SLC6A9: variants seen among roughly 807,000 people sequenced by gnomAD.
SLC6A9 encodes sodium- and chloride-dependent glycine transporter 1.
In SLC6A9, 31 loss-of-function variants were observed where a neutral mutation model predicts 70.9. The ratio of observed to expected loss-of-function variants is 0.44; its 90% CI spans 0.33 to 0.59. The LOEUF is 0.59. SLC6A9 is among the 20% of genes least tolerant of loss of function. SLC6A9 has a pLI of 0.04. For synonymous variants in SLC6A9, 310 were observed against 341.3 expected (o/e 0.91, Z 1.01); for missense variants, 631 against 845.2 (o/e 0.75, Z 3.14).
chr1:44,025,690 C>T (rs2086970406), intron 1 of SLC6A9, among the ~76,000 whole-genome samples: 1 of 151,864 alleles, frequency 6.6e-6, no homozygotes, highest in Non-Finnish European at 1.5e-5. Flanking sequence ...ATCCCAGCTA[C>T]TCGGGAGGCT....
intron 2 of SLC6A9, among the ~76,000 whole-genome samples, chr1:44,022,760 C>T (rs1266400149): frequency 7.4e-6 from 1 of 134,784 alleles, no homozygotes; most frequent in Admixed American, 8.8e-5. Flanking sequence ...GCTCTATTGC[C>T]CAGGCTGGAG....
At chr1:44,001,367 G>A (rs201151954) in intron 9 of SLC6A9, 23 bp downstream of exon 9, 72 of 1,612,614 alleles carry the variant, frequency 4.5e-5, no homozygotes, top group African/African-American at 8.0e-5. Context: ...CCAAGCCTCC[G>A]GTCCACGTCC....
rs1320717706 is a variant in SLC6A9 at position 44,001,461 on chromosome 1, G to A, written c.1129C>T (p.Leu377=). The A allele has an allele frequency of 1.9e-6, 3 of 1,614,106 alleles. No individual in the cohort carries two copies. Among genetic ancestry groups the A allele is most frequent in the South Asian group, 1.1e-5 (1 of 91,088 alleles). ...AFVAYPEALT[L]LPISPLWSLL... is the part of the protein sequence containing the mutation. Reference sequence around the variant, plus strand: ...GACCACAGCGGGGAGATGGGAAGTAGTGTGAGGGCCTCGGGGTAAGCCACG... The same window carrying A: ...GACCACAGCGGGGAGATGGGAAGTAATGTGAGGGCCTCGGGGTAAGCCACG... The change falls in exon 9 of 14, where the codon CTA becomes TTA. Residue 377 remains leucine (L), a synonymous_variant. Coordinates refer to ENST00000372310, the MANE Select transcript of SLC6A9 (RefSeq NM_001024845.3).
chr1:43,999,289 G>A (rs1427443973), intron 12 of SLC6A9, among the ~76,000 whole-genome samples: 1 of 151,394 alleles, frequency 6.6e-6, no homozygotes, highest in Non-Finnish European at 1.5e-5. Context: ...CCAAGGAGAG[G>A]ACTCTAGGCT....
At chr1:44,010,120 C>T in intron 3 of SLC6A9, 24 bp from the exon 4 acceptor site, 1 of 1,612,898 alleles carries the variant, frequency 6.2e-7, no homozygotes, top group Non-Finnish European at 8.5e-7. Flanking sequence ...AGAGGTCTGG[C>T]TCAGGAGTGG....
chr1:44,010,867 T>A lies in SLC6A9; in HGVS notation c.46A>T (p.Ser16Cys), dbSNP rs1169884005. The A allele has an allele frequency of 2.5e-6, 4 of 1,614,090 alleles. No individual in the cohort carries two copies. The highest frequency in any genetic ancestry group is 3.4e-6 in the Non-Finnish European group (4 of 1,180,032). The change falls in exon 3 of 14, where the codon AGC becomes TGC. Residue 16 changes from serine (S) to cysteine (C), a missense_variant. Physicochemically the swap from Ser to Cys is moderately radical, Grantham distance 112. Transcript: ENST00000372310. The part of the protein sequence containing the change: ...AKGMLNGAVP[S>C]EATKRDQNLK... ...TTCTGGTCCCTCTTGGTGGCCTCGCTGGGCACAGCACCATTCTGTGGGGAC... is the reference window on the plus strand; with the variant it reads ...TTCTGGTCCCTCTTGGTGGCCTCGCAGGGCACAGCACCATTCTGTGGGGAC...
intron 2 of SLC6A9, 54 bp downstream of exon 2, chr1:44,024,194 G>T (rs1038084742): frequency 1.9e-6 from 3 of 1,576,566 alleles, no homozygotes; most frequent in Non-Finnish European, 1.7e-6. Context: ...AGGAGGTCCT[G>T]GGGGCAGGGC....
Position 44,022,242 on chromosome 1 carries a change from C to T in SLC6A9, c.30+2006G>A, listed in dbSNP as rs912595425. Among the ~76,000 whole-genome samples the T allele has an allele frequency of 2.0e-5, 3 of 152,342 alleles. No homozygotes were observed. The East Asian group carries it at 5.8e-4, about 29-fold the overall frequency. ...GTGCTGCTCACATCTCTCCTGCCTG[C>T]CCTCCTCCCAGTCCTTCCAGGTCAC... On this transcript the variant is annotated intron_variant, in intron 2 of 13. Transcript: ENST00000372310.
At chr1:44,006,970 A>C (rs1388124488) in intron 5 of SLC6A9, among the ~76,000 whole-genome samples, 1 of 152,112 alleles carries the variant, frequency 6.6e-6, no homozygotes, top group Non-Finnish European at 1.5e-5. Flanking sequence ...TGTGGAGAAA[A>C]GCCTCAAACC....
chr1:44,016,194 G>A (rs2086735935), intron 2 of SLC6A9, among the ~76,000 whole-genome samples: 1 of 152,204 alleles, frequency 6.6e-6, no homozygotes, highest in African/African-American at 2.4e-5. Flanking sequence ...AAGCCCAGGA[G>A]GGAAGACTGG....
At chr1:44,010,640 G>T (rs2086529275) in intron 3 of SLC6A9, 86 bp downstream of exon 3, 1 of 1,339,838 alleles carries the variant, frequency 7.5e-7, no homozygotes, top group Non-Finnish European at 1.1e-6. Flanking sequence ...ATCTGGAGTG[G>T]GTCTGTGCCA....
chr1:44,005,888 T>C (rs1571864849), intron 5 of SLC6A9, among the ~76,000 whole-genome samples: 1 of 152,208 alleles, frequency 6.6e-6, no homozygotes. Context: ...AGTGGCCAGT[T>C]AGGCAGGCCT....
In SLC6A9 at chr1:44,024,321, A is replaced by C. The variant is rs779958251; in HGVS notation, c.-44T>G. On this transcript the variant is annotated 5_prime_UTR_variant, in exon 2 of 14. Coordinates refer to ENST00000372310, the MANE Select transcript of SLC6A9 (RefSeq NM_001024845.3). ...CTCTGGTGACGGGGACCACACTCAC[A>C]GGCTCTGCTTCCAGCGCCTTTCAGG... 39 of 1,612,482 alleles carry C rather than the reference A, an allele frequency of 2.4e-5. No homozygotes were observed. The East Asian group carries it at 7.8e-4, about 32-fold the overall frequency.
chr1:44,012,733 G>A (rs1320836945), intron 2 of SLC6A9, among the ~76,000 whole-genome samples: 8 of 152,214 alleles, frequency 5.3e-5, no homozygotes, highest in Admixed American at 3.3e-4. Context: ...GAGTATGGAA[G>A]GAGGACAAGG....
intron 2 of SLC6A9, among the ~76,000 whole-genome samples, chr1:44,022,722 C>CTTTTTTTT (rs71307650): frequency 0.35 from 40,799 of 117,918 alleles, 8,603 homozygotes; most frequent in Non-Finnish European, 0.46. Flanking sequence ...TTCTTTCTTT[C>CTTTTTTTT]TTTTTTTTTT....
chr1:44,006,452 G>A (rs964580597), intron 5 of SLC6A9, among the ~76,000 whole-genome samples: 10 of 152,054 alleles, frequency 6.6e-5, no homozygotes, highest in African/African-American at 2.4e-4. Context: ...GCCAGGCGTG[G>A]TGGCGGGTGC....
chr1:44,000,660 G>C, intron 12 of SLC6A9, 107 bp downstream of exon 12: 1 of 734,064 alleles, frequency 1.4e-6, no homozygotes, highest in East Asian at 2.5e-5. Flanking sequence ...TGGGTATGGA[G>C]CTCCGGCCAG....
At position 44,001,630 on chromosome 1, in the gene SLC6A9, G is replaced by T. The variant is rs776330889; in HGVS notation, c.963-3C>A. On this transcript the variant is annotated splice_region_variant and splice_polypyrimidine_tract_variant and intron_variant, in intron 8 of 13. Coordinates refer to ENST00000372310, the MANE Select transcript of SLC6A9 (RefSeq NM_001024845.3). ...TGATGCTGATGATGACACTGTCCCTGATGGGGAGGAAAACAGAGTTCAGCT... is the reference window on the plus strand; with the variant it reads ...TGATGCTGATGATGACACTGTCCCTTATGGGGAGGAAAACAGAGTTCAGCT... 2.5e-6 allele frequency: 4 copies of T among 1,604,884 alleles called. No individual in the cohort carries two copies. The highest frequency in any genetic ancestry group is 3.4e-6 in the Non-Finnish European group (4 of 1,173,520).
At chr1:44,026,608 G>A (rs147194632) in intron 1 of SLC6A9, among the ~76,000 whole-genome samples, 129 of 150,260 alleles carry the variant, frequency 8.6e-4, no homozygotes, top group African/African-American at 3.1e-3. Flanking sequence ...GCAGTGAGCC[G>A]AGATCACACC....
Sources: gnomAD v4.1 joint callset for allele counts (sites outside exome capture counted in the v4.1 genomes callset) on GRCh38, gnomAD v4.1.1 for gene constraint, MANE v1.5 for transcripts, NCBI Gene and HGNC (gene_info 2026-07-23, HGNC 2026-07-21) for gene names.